CLPB: variants seen among roughly 807,000 people sequenced by gnomAD.
The protein encoded by CLPB is mitochondrial disaggregase.
A neutral mutation model predicts 78.4 loss-of-function variants in CLPB; 40 were observed. The ratio of observed to expected loss-of-function variants is 0.51; its 90% CI spans 0.40 to 0.66. The LOEUF (loss-of-function observed/expected upper bound fraction) is 0.66. Among genes scored for constraint, CLPB ranks in the 30% least tolerant of loss-of-function variants. CLPB has a pLI of 0.00. For synonymous variants in CLPB, 333 were observed against 348.0 expected, an observed-to-expected ratio of 0.96 and a Z score of 0.48; for missense variants, 780 against 886.9, an observed-to-expected ratio of 0.88 and a Z score of 1.53.
chr11:72,300,919 C>A (rs1382700239), intron 11 of CLPB, among the ~76,000 whole-genome samples: 1 of 152,188 alleles, frequency 6.6e-6, no homozygotes, highest in African/African-American at 2.4e-5. Context: ...CAATCCCTCG[C>A]CTGGTTCAAG....
At chr11:72,376,537 A>G (rs1176596645) in intron 4 of CLPB, among the ~76,000 whole-genome samples, 1 of 151,714 alleles carries the variant, frequency 6.6e-6, no homozygotes, top group Non-Finnish European at 1.5e-5. Context: ...AAACTGTGGC[A>G]GACAAAGGTA....
chr11:72,325,184 C>G (rs1950110981), intron 6 of CLPB, among the ~76,000 whole-genome samples: 1 of 152,070 alleles, frequency 6.6e-6, no homozygotes, highest in African/African-American at 2.4e-5. Flanking sequence ...ATATTTCTAC[C>G]TCTCCTTCAT....
chr11:72,425,668 G>T (rs1047604008), intron 2 of CLPB, among the ~76,000 whole-genome samples: 4 of 152,136 alleles, frequency 2.6e-5, no homozygotes, highest in African/African-American at 9.7e-5. Flanking sequence ...CGACCAGGTC[G>T]CTACCTGTCT....
chr11:72,343,796 A>T (rs1481123465), intron 5 of CLPB, among the ~76,000 whole-genome samples: 1 of 152,234 alleles, frequency 6.6e-6, no homozygotes, highest in Non-Finnish European at 1.5e-5. Flanking sequence ...GGTCCTGGGT[A>T]AAAGAAACTT....
At chr11:72,348,289 T>C (rs1280112492) in intron 5 of CLPB, among the ~76,000 whole-genome samples, 4 of 152,176 alleles carry the variant, frequency 2.6e-5, no homozygotes, top group African/African-American at 4.8e-5. Context: ...AAAATCACAA[T>C]GGTCACTAAA....
chr11:72,377,863 A>G (rs1854765264), intron 4 of CLPB, among the ~76,000 whole-genome samples: 1 of 152,244 alleles, frequency 6.6e-6, no homozygotes, highest in African/African-American at 2.4e-5. Flanking sequence ...AAACATATCC[A>G]CATCACTTCG....
chr11:72,331,532 T>G (rs1039868316), intron 5 of CLPB, among the ~76,000 whole-genome samples: 1 of 149,936 alleles, frequency 6.7e-6, no homozygotes. Flanking sequence ...TGGGCCACTG[T>G]GCCCAGCCAC....
chr11:72,368,815 C>T (rs1365599255), intron 4 of CLPB, among the ~76,000 whole-genome samples: 1 of 152,138 alleles, frequency 6.6e-6, no homozygotes, highest in African/African-American at 2.4e-5. Context: ...GTAGGTTGGC[C>T]GATGGCTGGA....
chr11:72,293,349 G>A lies in CLPB; in HGVS notation c.*18C>T, dbSNP rs575702948. Reference sequence around the variant, plus strand: ...CTTTATTGGATGGTGAGGGCACATAGGAGCAGGCAGGTGGCTGCTAGATGG... The same window carrying A: ...CTTTATTGGATGGTGAGGGCACATAAGAGCAGGCAGGTGGCTGCTAGATGG... On this transcript the variant is annotated 3_prime_UTR_variant, in exon 16 of 16. Coordinates refer to ENST00000538039, the MANE Select transcript of CLPB (RefSeq NM_001258392.3). 1 of 1,610,270 alleles carries A rather than the reference G, an allele frequency of 6.2e-7. No individual in the cohort carries two copies. Among genetic ancestry groups the A allele is most frequent in the African/African-American group, 1.3e-5 (1 of 74,976 alleles).
intron 7 of CLPB, among the ~76,000 whole-genome samples, chr11:72,316,348 G>T (rs562897042): frequency 3.8e-4 from 58 of 152,292 alleles, no homozygotes; most frequent in African/African-American, 1.3e-3. Context: ...TGTGTTGGGG[G>T]ATACACCTTT....
chr11:72,321,143 G>A lies in CLPB; in HGVS notation c.874-3923C>T, dbSNP rs147752128. ...AAGAAGGATGGGAGGAGCTTGGTAA[G>A]GGCTCTATAAATACTATTGTTCCTG... On this transcript the variant is annotated intron_variant, in intron 6 of 15. Coordinates refer to ENST00000538039, the MANE Select transcript of CLPB (RefSeq NM_001258392.3). 2.0e-3 allele frequency among the ~76,000 whole-genome samples: 312 copies of A among 152,256 alleles called. 2 individuals are homozygous for A. Among genetic ancestry groups the A allele is most frequent in the African/African-American group, 6.6e-3 (276 of 41,556 alleles).
At chr11:72,332,768 G>C (rs1950251114) in intron 5 of CLPB, 1 of 152,172 alleles carries the variant, frequency 6.6e-6, no homozygotes, top group South Asian at 2.1e-4. Flanking sequence ...TTACCAGAAT[G>C]TTTTCAAGGT....
At chr11:72,359,159 TG>T in intron 4 of CLPB, 151 bp from the exon 5 acceptor site, 1 of 1,248,404 alleles carries the variant, frequency 8.0e-7, no homozygotes, top group Non-Finnish European at 1.1e-6. Context: ...CCATCTGTGC[TG>T]GGTAAGAAGA....
intron 6 of CLPB, among the ~76,000 whole-genome samples, chr11:72,320,783 G>A (rs1950030001): frequency 6.6e-6 from 1 of 152,070 alleles, no homozygotes; most frequent in African/African-American, 2.4e-5. Flanking sequence ...CACTGTGTCG[G>A]CTCACTGCAA....
chr11:72,301,182 T>TAGAA (rs1432437378), intron 11 of CLPB, among the ~76,000 whole-genome samples: 1 of 152,188 alleles, frequency 6.6e-6, no homozygotes, highest in African/African-American at 2.4e-5. Context: ...AGGTACTGGA[T>TAGAA]AGAAGTAAGC....
intron 3 of CLPB, among the ~76,000 whole-genome samples, chr11:72,384,309 C>T (rs190999505): frequency 1.8e-4 from 28 of 152,180 alleles, no homozygotes; most frequent in Admixed American, 1.3e-3. Context: ...ATATTAGCTA[C>T]AATCATTTGT....
At chr11:72,427,613 A>G (rs1373432148) in intron 2 of CLPB, among the ~76,000 whole-genome samples, 1 of 152,194 alleles carries the variant, frequency 6.6e-6, no homozygotes, top group Non-Finnish European at 1.5e-5. Flanking sequence ...AATACTTACC[A>G]TTATGTTACA....
chr11:72,422,135 C>T (rs934944432), intron 2 of CLPB, among the ~76,000 whole-genome samples: 10 of 151,920 alleles, frequency 6.6e-5, no homozygotes, highest in African/African-American at 2.4e-4. Flanking sequence ...GGCGTGGTGG[C>T]GGGCGCCTGT....
At chr11:72,383,591 G>C (rs1854986986) in intron 3 of CLPB, among the ~76,000 whole-genome samples, 1 of 149,300 alleles carries the variant, frequency 6.7e-6, no homozygotes, top group African/African-American at 2.5e-5. Flanking sequence ...GAGAAAAAAA[G>C]CAAGTAACAT....
Sources: gnomAD v4.1 joint callset for allele counts (sites outside exome capture counted in the v4.1 genomes callset) on GRCh38, gnomAD v4.1.1 for gene constraint, MANE v1.5 for transcripts, NCBI Gene and HGNC (gene_info 2026-07-23, HGNC 2026-07-21) for gene names.